The following EIF2B3 variants were observed in gnomAD, a reference collection of about 807,000 sequenced individuals.
EIF2B3 encodes translation initiation factor eIF2B subunit gamma.
Under a neutral mutation model 54.1 loss-of-function variants are expected in EIF2B3, and 20 were observed. The ratio of observed to expected loss-of-function variants is 0.37; its 90% CI spans 0.26 to 0.54. The LOEUF (loss-of-function observed/expected upper bound fraction) is 0.54, where lower values mean the gene tolerates loss of function less well. Among genes scored for constraint, EIF2B3 ranks in the 20% least tolerant of loss-of-function variants. The pLI is 0.86. For missense variants in EIF2B3, 448 were observed against 547.8 expected, an observed-to-expected ratio of 0.82 and a Z score of 1.82; for synonymous variants, 153 against 188.1, an observed-to-expected ratio of 0.81 and a Z score of 1.52.
At chr1:44,978,525 A>G in intron 2 of EIF2B3, 65 bp from the exon 3 acceptor site, 1 of 1,529,086 alleles carries the variant, frequency 6.5e-7, no homozygotes, top group Non-Finnish European at 8.9e-7. Flanking sequence ...TGGTTCCATT[A>G]TTTCAATTAG....
chr1:44,966,268 T>C (rs978088150), intron 3 of EIF2B3, among the ~76,000 whole-genome samples: 1 of 151,378 alleles, frequency 6.6e-6, no homozygotes, highest in African/African-American at 2.4e-5. Flanking sequence ...TGAAACCCTG[T>C]CTCTACTAAA....
chr1:44,876,117 G>A (rs2148902094), intron 8 of EIF2B3, among the ~76,000 whole-genome samples: 1 of 152,288 alleles, frequency 6.6e-6, no homozygotes, highest in South Asian at 2.1e-4. Context: ...GTGCAGTGGC[G>A]TGATCTCGGC....
intron 3 of EIF2B3, among the ~76,000 whole-genome samples, chr1:44,977,516 G>C (rs1413100875): frequency 6.6e-6 from 1 of 151,358 alleles, no homozygotes; most frequent in Non-Finnish European, 1.5e-5. Flanking sequence ...CCAGGCTGGA[G>C]TGCAGTGGCA....
rs534367131 is a variant in EIF2B3 at position 44,881,129 on chromosome 1, C to T, written c.784+483G>A. 3.4e-4 allele frequency among the ~76,000 whole-genome samples: 51 copies of T among 152,104 alleles called. No individual in the cohort carries two copies. Among genetic ancestry groups the T allele is most frequent in the African/African-American group, 1.1e-3 (47 of 41,478 alleles). On this transcript the variant is annotated intron_variant, in intron 7 of 11. Coordinates refer to ENST00000360403, the MANE Select transcript of EIF2B3 (RefSeq NM_020365.5). The surrounding 1 kb of genome is among the most constrained non-coding windows in gnomAD (Gnocchi z 4.0). ...ATCTACTATGAGTCCACGACTGGGC[C>T]GGGGATTAGGGATATGACAGCAAAC... is the stretch of plus-strand genomic sequence containing the variant.
Position 44,868,397 on chromosome 1 carries a change from C to CAA in EIF2B3, c.1202+6279_1202+6280dup, listed in dbSNP as rs34094245. On this transcript the variant is annotated intron_variant, in intron 10 of 11. Transcript: ENST00000360403. ...TGGGTGACAGAATGAGACTCCGTCT[C>CAA]AAAAAAAAAAAAAAAAAAAAAAAAG... Among the ~76,000 whole-genome samples the CAA allele has an allele frequency of 7.1e-3, 461 of 64,884 alleles. 1 individual carries two copies. The highest frequency in any genetic ancestry group is 0.016 in the Middle Eastern group (2 of 122). The allele number at this position is 64,884 out of a possible 152,430, so 42.6% of individuals were successfully genotyped here.
intron 8 of EIF2B3, among the ~76,000 whole-genome samples, chr1:44,879,051 G>A (rs537920430): frequency 3.9e-5 from 6 of 152,078 alleles, no homozygotes; most frequent in African/African-American, 9.7e-5. Flanking sequence ...GTAAGACACC[G>A]TGCCCGGACT....
At chr1:44,968,374 A>G (rs1373154155) in intron 3 of EIF2B3, among the ~76,000 whole-genome samples, 1 of 146,218 alleles carries the variant, frequency 6.8e-6, no homozygotes, top group Non-Finnish European at 1.5e-5. Context: ...AAAAAAAGGA[A>G]AAAAAAAAAA....
At chr1:44,942,408 TATATATATA>T (rs1277042428) in intron 3 of EIF2B3, among the ~76,000 whole-genome samples, 223 of 20,528 alleles carry the variant, frequency 0.011, 1 homozygote, top group Non-Finnish European at 0.018. Context: ...TATATATATA[TATATATATA>T]TTTTTTTTTT....
chr1:44,903,936 G>A (rs1235101613), intron 5 of EIF2B3, among the ~76,000 whole-genome samples: 1 of 152,096 alleles, frequency 6.6e-6, no homozygotes, highest in Non-Finnish European at 1.5e-5. Flanking sequence ...AATTAGCCAG[G>A]TGTGGTAGCA....
chr1:44,905,044 G>C (rs909047665), intron 5 of EIF2B3, among the ~76,000 whole-genome samples: 6 of 152,178 alleles, frequency 3.9e-5, no homozygotes, highest in African/African-American at 1.4e-4. Context: ...CACCTGTGGT[G>C]TGGCTATCTG....
intron 5 of EIF2B3, among the ~76,000 whole-genome samples, chr1:44,909,413 TG>T (rs1346562024): frequency 1.3e-5 from 2 of 151,964 alleles, no homozygotes; most frequent in Non-Finnish European, 2.9e-5. Flanking sequence ...AAAAGGATGG[TG>T]GTGGTAACAG....
intron 2 of EIF2B3, among the ~76,000 whole-genome samples, chr1:44,980,529 T>C (rs556497462): frequency 1.3e-5 from 2 of 152,178 alleles, no homozygotes; most frequent in South Asian, 4.1e-4. Context: ...CTTAATGGCA[T>C]AACTATCTAC....
At chr1:44,894,529 G>T (rs1655902187) in intron 6 of EIF2B3, among the ~76,000 whole-genome samples, 1 of 152,060 alleles carries the variant, frequency 6.6e-6, no homozygotes, top group African/African-American at 2.4e-5. Context: ...CATTCTCAAA[G>T]AATTTGAGTG....
At chr1:44,982,115 T>A (rs1374382946) in intron 1 of EIF2B3, among the ~76,000 whole-genome samples, 1 of 152,102 alleles carries the variant, frequency 6.6e-6, no homozygotes, top group Non-Finnish European at 1.5e-5. Context: ...AAGATATCAC[T>A]ATAAACACAA....
intron 5 of EIF2B3, among the ~76,000 whole-genome samples, chr1:44,917,929 A>G (rs1198344114): frequency 3.3e-5 from 5 of 149,422 alleles, no homozygotes; most frequent in African/African-American, 4.9e-5. Context: ...GCCTGCCACC[A>G]CGCCCGGCTA....
intron 6 of EIF2B3, among the ~76,000 whole-genome samples, chr1:44,886,396 T>G (rs1324151625): frequency 1.3e-5 from 2 of 152,194 alleles, no homozygotes; most frequent in African/African-American, 4.8e-5. Flanking sequence ...ATTTTTAAAG[T>G]GTGATTTCAA....
intron 6 of EIF2B3, among the ~76,000 whole-genome samples, chr1:44,884,025 G>C (rs1655496749): frequency 6.6e-6 from 1 of 152,092 alleles, no homozygotes; most frequent in African/African-American, 2.4e-5. Flanking sequence ...TATTTGTAGA[G>C]GCAAAGTCTC....
At chr1:44,980,291 T>A (rs1018208968) in intron 2 of EIF2B3, among the ~76,000 whole-genome samples, 1 of 152,192 alleles carries the variant, frequency 6.6e-6, no homozygotes, top group African/African-American at 2.4e-5. Context: ...GGTGAAACCC[T>A]GTCTCTACTA....
intron 8 of EIF2B3, among the ~76,000 whole-genome samples, chr1:44,877,748 G>A (rs1352877406): frequency 2.0e-5 from 3 of 152,204 alleles, no homozygotes; most frequent in Admixed American, 6.5e-5. Flanking sequence ...GGAAGGCACA[G>A]GTAGTGCGCC....
Sources: gnomAD v4.1 joint callset for allele counts (sites outside exome capture counted in the v4.1 genomes callset) on GRCh38, gnomAD v4.1.1 for gene constraint, Gnocchi (gnomAD v3.1) non-coding constraint, MANE v1.5 for transcripts, NCBI Gene and HGNC (gene_info 2026-07-23, HGNC 2026-07-21) for gene names.